GTPBP10: variants seen among roughly 807,000 people sequenced by gnomAD.
GTPBP10 encodes GTP-binding protein 10.
GTPBP10 carries 38 observed loss-of-function variants against 44.8 expected under a neutral mutation model. That is an observed-to-expected ratio of 0.85 (90% CI 0.65 to 1.11). The LOEUF (loss-of-function observed/expected upper bound fraction) is 1.11. GTPBP10 is among the 50% of genes most tolerant of loss of function. The pLI, the probability that GTPBP10 is intolerant of heterozygous loss-of-function variation, is 0.00. For missense variants in GTPBP10, 462 were observed against 453.7 expected (o/e 1.02, Z -0.17); for synonymous variants, 152 against 150.6 (o/e 1.01, Z -0.07).
At chr7:90,383,426 A>T (rs1796466448) in intron 9 of GTPBP10, among the ~76,000 whole-genome samples, 1 of 152,224 alleles carries the variant, frequency 6.6e-6, no homozygotes, top group Admixed American at 6.5e-5. Flanking sequence ...TCATTAACAT[A>T]CTTCACAAGC....
At chr7:90,376,962 G>A (rs573780042) in intron 6 of GTPBP10, among the ~76,000 whole-genome samples, 3 of 152,242 alleles carry the variant, frequency 2.0e-5, no homozygotes, top group East Asian at 1.9e-4. Flanking sequence ...GGTGGCTCAC[G>A]CCTGTAATCC....
intron 4 of GTPBP10, among the ~76,000 whole-genome samples, chr7:90,360,239 C>T (rs1475306003): frequency 6.6e-6 from 1 of 152,106 alleles, no homozygotes; most frequent in African/African-American, 2.4e-5. Context: ...AATGGTGTTG[C>T]CTGGGTTTCC....
chr7:90,375,074 A>G (rs755266291), intron 6 of GTPBP10, among the ~76,000 whole-genome samples: 15 of 152,190 alleles, frequency 9.9e-5, no homozygotes, highest in Non-Finnish European at 2.1e-4. Flanking sequence ...TCAAGCCTCA[A>G]AAAGACCTAG....
chr7:90,380,049 G>A (rs1796406658), intron 8 of GTPBP10, among the ~76,000 whole-genome samples: 1 of 132,172 alleles, frequency 7.6e-6, no homozygotes. Context: ...AGCATGTTTT[G>A]TATTTTTGGA....
chr7:90,358,796 G>T (rs1475747475), intron 4 of GTPBP10, among the ~76,000 whole-genome samples: 3 of 152,110 alleles, frequency 2.0e-5, no homozygotes, highest in African/African-American at 7.2e-5. Context: ...GCAAAAGAAA[G>T]AATCAACAGA....
chr7:90,349,562 A>G (rs1273870254), intron 1 of GTPBP10, among the ~76,000 whole-genome samples: 1 of 152,218 alleles, frequency 6.6e-6, no homozygotes, highest in Non-Finnish European at 1.5e-5. Context: ...TTCTTATCCA[A>G]CAAAGACTGG....
At chr7:90,365,598 G>T (rs925774803) in intron 4 of GTPBP10, among the ~76,000 whole-genome samples, 1 of 151,590 alleles carries the variant, frequency 6.6e-6, no homozygotes, top group African/African-American at 2.4e-5. Context: ...GGATGGTCTC[G>T]ATCTCCTGAC....
intron 3 of GTPBP10, 113 bp downstream of exon 3, chr7:90,354,662 C>T (rs1002117864): frequency 5.2e-6 from 3 of 581,444 alleles, no homozygotes; most frequent in Non-Finnish European, 3.0e-6. Flanking sequence ...ATTTTAGCTA[C>T]TATTCTATAA....
intron 4 of GTPBP10, among the ~76,000 whole-genome samples, chr7:90,366,727 A>AT (rs1284800542): frequency 6.6e-6 from 1 of 151,596 alleles, no homozygotes; most frequent in Non-Finnish European, 1.5e-5. Context: ...TTCAAAAAAA[A>AT]AAAAACCAGC....
At position 90,385,087 on chromosome 7, in the gene GTPBP10, A is replaced by T; in HGVS notation, c.1097A>T (p.Asp366Val). 6.2e-7 allele frequency: 1 copy of T among 1,613,482 alleles called. No homozygotes were observed. The highest frequency in any genetic ancestry group is 1.1e-5 in the South Asian group (1 of 91,068). ...KKQLLNLWIS[D>V]TMSSTEPPSK... ...CAGTTGCTTAATTTGTGGATTTCTG[A>T]TACAATGTCTTCTACTGAGCCACCA... The change falls in exon 10 of 10, where the codon GAT becomes GTT. Residue 366 changes from aspartate to valine, a missense_variant. Asp to Val is a radical substitution (Grantham distance 152, BLOSUM62 -3). Coordinates refer to ENST00000222511, the MANE Select transcript of GTPBP10 (RefSeq NM_033107.4).
Position 90,385,053 on chromosome 7 carries a change from C to T in GTPBP10, c.1063C>T (p.His355Tyr), listed in dbSNP as rs1375189560. The T allele has an allele frequency of 1.2e-6, 2 of 1,613,646 alleles. No individual in the cohort carries two copies. The highest frequency in any genetic ancestry group is 1.7e-6 in the Non-Finnish European group (2 of 1,179,768). ...GGCCAACCAGGAAAATGATGCACTT[C>T]ATAAGAAACAGTTGCTTAATTTGTG... ...EQANQENDAL[H>Y]KKQLLNLWIS... The change falls in exon 10 of 10, where the codon CAT (histidine) becomes TAT (tyrosine). Residue 355 changes from histidine (H) to tyrosine (Y), a missense_variant. Physicochemically the swap from His to Tyr is moderately conservative, Grantham distance 83. Coordinates refer to ENST00000222511, the MANE Select transcript of GTPBP10 (RefSeq NM_033107.4).
rs2115609886 is a variant in GTPBP10, at chr7:90,352,851, C to A, written c.69C>A (p.Thr23=). Reference sequence around the variant, plus strand: ...TCATCGATAAGCTAAGACTCTTCACCAGGGGAGGATCCGGTGGAATGGGTT... The same window carrying A: ...TCATCGATAAGCTAAGACTCTTCACAAGGGGAGGATCCGGTGGAATGGGTT... ...GNFIDKLRLF[T]RGGSGGMGYP... The change falls in exon 2 of 10, where the codon ACC becomes ACA. Residue 23 remains threonine, a synonymous_variant. Transcript: ENST00000222511. 1.9e-6 allele frequency: 3 copies of A among 1,612,628 alleles called. No homozygotes were observed. Among genetic ancestry groups the A allele is most frequent in the Non-Finnish European group, 2.5e-6 (3 of 1,179,538 alleles).
intron 6 of GTPBP10, among the ~76,000 whole-genome samples, chr7:90,375,035 A>G (rs1796319924): frequency 6.6e-6 from 1 of 152,194 alleles, no homozygotes; most frequent in Non-Finnish European, 1.5e-5. Flanking sequence ...ACAGTGGATT[A>G]TTATTCAGCT....
chr7:90,350,570 G>C (rs1795771897), intron 1 of GTPBP10, among the ~76,000 whole-genome samples: 1 of 152,026 alleles, frequency 6.6e-6, no homozygotes, highest in Non-Finnish European at 1.5e-5. Context: ...CATTCCTTTT[G>C]CTTTTAAGTT....
At chr7:90,364,018 T>C (rs1796081637) in intron 4 of GTPBP10, among the ~76,000 whole-genome samples, 1 of 152,238 alleles carries the variant, frequency 6.6e-6, no homozygotes, top group South Asian at 2.1e-4. Flanking sequence ...GCATTGGCTA[T>C]TCTAGTTAGC....
chr7:90,367,878 A>G (rs149423471), intron 4 of GTPBP10, among the ~76,000 whole-genome samples: 16 of 152,300 alleles, frequency 1.1e-4, no homozygotes, highest in African/African-American at 2.4e-4. Flanking sequence ...CATAGCGTCA[A>G]TGGTGTTTAC....
At chr7:90,357,397 A>G (rs1037916844) in intron 4 of GTPBP10, among the ~76,000 whole-genome samples, 3 of 152,204 alleles carry the variant, frequency 2.0e-5, no homozygotes, top group Non-Finnish European at 4.4e-5. Flanking sequence ...AAGAACCTGG[A>G]TGAAACAGGG....
At chr7:90,371,278 A>G in intron 4 of GTPBP10, 1 of 451,140 alleles carries the variant, frequency 2.2e-6, no homozygotes, top group Non-Finnish European at 2.9e-6. Context: ...GACAACCTGA[A>G]AGTCTGTCAA....
chr7:90,374,410 T>G (rs369324819), intron 6 of GTPBP10, 56 bp downstream of exon 6: 1 of 1,119,144 alleles, frequency 8.9e-7, no homozygotes, highest in Non-Finnish European at 1.4e-6. Context: ...TTGGTTTTGG[T>G]ACGTACTTGG....
Sources: allele counts gnomAD v4.1 joint callset (sites outside exome capture counted in the v4.1 genomes callset), GRCh38; gene constraint gnomAD v4.1.1; transcripts MANE v1.5; gene names NCBI Gene and HGNC (gene_info 2026-07-23, HGNC 2026-07-21).